The following NTM variants were observed in gnomAD, a reference collection of about 807,000 sequenced individuals.
The protein encoded by NTM is IgLON family member 2.
A neutral mutation model predicts 42.1 loss-of-function variants in NTM; 13 were observed. The observed-to-expected ratio is 0.31, with a 90% confidence interval of 0.20 to 0.49. The LOEUF is 0.49. Ranked by LOEUF, NTM falls within the 20% of genes least tolerant of loss-of-function variation. The pLI, the probability that NTM is intolerant of heterozygous loss-of-function variation, is 0.99. For synonymous variants in NTM, 187 were observed against 179.2 expected, an observed-to-expected ratio of 1.04 and a Z score of -0.35; for missense variants, 373 against 452.8, an observed-to-expected ratio of 0.82 and a Z score of 1.60.
chr11:131,901,664 A>G (rs2053177242), intron 1 of NTM, among the ~76,000 whole-genome samples: 1 of 152,158 alleles, frequency 6.6e-6, no homozygotes, highest in Non-Finnish European at 1.5e-5. Flanking sequence ...GAAAAAAAAA[A>G]AGATAGTCTT....
At chr11:131,447,859 C>G (rs905486875) in intron 1 of NTM, among the ~76,000 whole-genome samples, 1 of 152,206 alleles carries the variant, frequency 6.6e-6, no homozygotes, top group Non-Finnish European at 1.5e-5. Flanking sequence ...CATCATGCAC[C>G]GCAGATGAGG....
chr11:131,995,617 G>C (rs1309317230), intron 2 of NTM, among the ~76,000 whole-genome samples: 3 of 152,090 alleles, frequency 2.0e-5, no homozygotes, highest in African/African-American at 7.2e-5. Context: ...GAGGAGACTG[G>C]TGCTCAGCAG....
At chr11:132,135,580 G>A (rs1221883782) in intron 2 of NTM, among the ~76,000 whole-genome samples, 1 of 152,208 alleles carries the variant, frequency 6.6e-6, no homozygotes, top group Non-Finnish European at 1.5e-5. Context: ...GGGTGACCAG[G>A]CCCTTTTACA....
chr11:131,789,864 G>C (rs1246172366), intron 1 of NTM, among the ~76,000 whole-genome samples: 3 of 147,698 alleles, frequency 2.0e-5, no homozygotes, highest in Admixed American at 6.8e-5. Context: ...GCTGAGGCAG[G>C]AGAATGGCGT....
At chr11:132,297,572 C>A (rs2094664124) in intron 4 of NTM, among the ~76,000 whole-genome samples, 1 of 152,234 alleles carries the variant, frequency 6.6e-6, no homozygotes, top group Admixed American at 6.5e-5. Context: ...ATCGATATAT[C>A]TATTCTTCAA....
At chr11:131,508,834 A>G (rs1375173640) in intron 1 of NTM, among the ~76,000 whole-genome samples, 4 of 146,152 alleles carry the variant, frequency 2.7e-5, no homozygotes, top group Admixed American at 2.1e-4. Flanking sequence ...GAATTGAACA[A>G]TGAGATCCCA....
At chr11:131,418,977 A>G (rs907859507) in intron 1 of NTM, among the ~76,000 whole-genome samples, 1 of 152,186 alleles carries the variant, frequency 6.6e-6, no homozygotes, top group Non-Finnish European at 1.5e-5. Context: ...GTACGCACTT[A>G]CAAGACCAGT....
intron 1 of NTM, among the ~76,000 whole-genome samples, chr11:131,866,743 C>G (rs1056586036): frequency 6.6e-6 from 1 of 152,136 alleles, no homozygotes; most frequent in Non-Finnish European, 1.5e-5. Flanking sequence ...AGGCTGCCAC[C>G]AGGAGGCAGC....
intron 1 of NTM, among the ~76,000 whole-genome samples, chr11:131,523,892 A>C (rs2050105788): frequency 6.6e-6 from 1 of 152,100 alleles, no homozygotes; most frequent in Non-Finnish European, 1.5e-5. Flanking sequence ...AAAATAGAGA[A>C]ATGGGGTGGG....
intron 1 of NTM, chr11:131,537,898 C>T (rs937355744): frequency 1.3e-5 from 2 of 152,214 alleles, no homozygotes; most frequent in Non-Finnish European, 2.9e-5. Flanking sequence ...GGTCAGCACA[C>T]AAGCAGGGGA....
intron 3 of NTM, among the ~76,000 whole-genome samples, chr11:132,147,310 G>A (rs2070752283): frequency 6.6e-6 from 1 of 151,924 alleles, no homozygotes; most frequent in African/African-American, 2.4e-5. Context: ...GGCAGAACCA[G>A]TCCTGGGGCA....
intron 2 of NTM, among the ~76,000 whole-genome samples, chr11:131,964,403 A>T (rs1366962875): frequency 6.6e-6 from 1 of 152,212 alleles, no homozygotes; most frequent in Non-Finnish European, 1.5e-5. Flanking sequence ...GAGATATCAC[A>T]GCAGCCTCTA....
chr11:131,501,867 A>G (rs758548896), intron 1 of NTM, among the ~76,000 whole-genome samples: 1 of 146,948 alleles, frequency 6.8e-6, no homozygotes, highest in Non-Finnish European at 1.5e-5. Context: ...GAAGGTATGT[A>G]TGTGTGTGTG....
chr11:132,010,796 T>G (rs1169130715), intron 2 of NTM, among the ~76,000 whole-genome samples: 1 of 152,064 alleles, frequency 6.6e-6, no homozygotes, highest in East Asian at 1.9e-4. Context: ...TTGTACAGTT[T>G]CCTGAAGGCA....
chr11:131,779,798 C>A (rs1373842458), intron 1 of NTM, among the ~76,000 whole-genome samples: 1 of 152,118 alleles, frequency 6.6e-6, no homozygotes, highest in African/African-American at 2.4e-5. Context: ...GGAGTAATCA[C>A]ACAGAGATGT....
intron 1 of NTM, among the ~76,000 whole-genome samples, chr11:131,627,222 TATTTA>T (rs1285282433): frequency 2.0e-5 from 3 of 146,894 alleles, no homozygotes; most frequent in South Asian, 2.1e-4. Context: ...GGCTTTTATT[TATTTA>T]TTTTTTTTGT....
chr11:132,304,407 G>T (rs1591864346), intron 4 of NTM, among the ~76,000 whole-genome samples: 1 of 147,038 alleles, frequency 6.8e-6, no homozygotes, highest in East Asian at 2.0e-4. Flanking sequence ...TAAAGACTAT[G>T]CTTGCTTTTT....
At chr11:131,433,795 T>C (rs1199828650) in intron 1 of NTM, among the ~76,000 whole-genome samples, 1 of 152,194 alleles carries the variant, frequency 6.6e-6, no homozygotes, top group Non-Finnish European at 1.5e-5. Flanking sequence ...AAGGTGTTGA[T>C]ACAGACTTTT....
chr11:131,559,626 G>A (rs1294231423), intron 1 of NTM, among the ~76,000 whole-genome samples: 5 of 152,166 alleles, frequency 3.3e-5, no homozygotes, highest in South Asian at 2.1e-4. Context: ...AGGTTAAGAC[G>A]CTGTAATCAG....
Sources: gnomAD v4.1 joint callset for allele counts (sites outside exome capture counted in the v4.1 genomes callset) on GRCh38, gnomAD v4.1.1 for gene constraint, MANE v1.5 for transcripts, NCBI Gene and HGNC (gene_info 2026-07-23, HGNC 2026-07-21) for gene names.